Variants in CCDC175 observed in about 807,000 individuals in gnomAD.
CCDC175 encodes coiled-coil domain-containing protein 175.
In CCDC175, 100 loss-of-function variants were observed where a neutral mutation model predicts 114.6. The observed-to-expected ratio is 0.87, with a 90% confidence interval of 0.74 to 1.03. CCDC175 has a LOEUF of 1.03. CCDC175 is among the 50% of genes least tolerant of loss of function. CCDC175 has a pLI of 0.00. For synonymous variants in CCDC175, 306 were observed against 308.7 expected, an observed-to-expected ratio of 0.99 and a Z score of 0.09; for missense variants, 880 against 917.8, an observed-to-expected ratio of 0.96 and a Z score of 0.53.
chr14:59,521,459 T>A lies in CCDC175; in HGVS notation c.2098+115A>T, dbSNP rs964689314. On this transcript the variant is annotated intron_variant, in intron 17 of 19. Coordinates refer to ENST00000537690, the MANE Select transcript of CCDC175 (RefSeq NM_001164399.2). ...GAAGACCTATCATGGGACTTTACCT[T>A]GTGATCATGTGAGTCAGTTCTCCTT... 32 of 608,550 alleles carry A rather than the reference T, an allele frequency of 5.3e-5. No individual in the cohort carries two copies. In the African/African-American group the frequency reaches 5.8e-4, roughly 11 times the overall value. The allele number at this position is 608,550 out of a possible 1,614,324, so 37.7% of individuals were successfully genotyped here.
intron 11 of CCDC175, among the ~76,000 whole-genome samples, chr14:59,539,978 T>C (rs952631924): frequency 3.3e-5 from 5 of 151,114 alleles, no homozygotes; most frequent in Admixed American, 6.6e-5. Flanking sequence ...GGCTGAGGCA[T>C]GAGAATCGCT....
chr14:59,523,944 G>T (rs540963746), intron 16 of CCDC175, among the ~76,000 whole-genome samples: 122 of 151,924 alleles, frequency 8.0e-4, no homozygotes, highest in Non-Finnish European at 1.2e-3. Context: ...AGCCGAGATC[G>T]TGCCACTGCA....
intron 6 of CCDC175, among the ~76,000 whole-genome samples, chr14:59,561,501 C>T (rs954052214): frequency 5.3e-5 from 8 of 152,040 alleles, no homozygotes; most frequent in Admixed American, 3.9e-4. Context: ...ACTTTTGAGA[C>T]AAGAATTAAC....
chr14:59,574,276 T>G (rs1013072392), intron 2 of CCDC175, among the ~76,000 whole-genome samples: 2 of 152,244 alleles, frequency 1.3e-5, no homozygotes, highest in African/African-American at 4.8e-5. Flanking sequence ...TAGTAAATTC[T>G]TATCCAATAT....
chr14:59,539,137 G>A (rs1293992822), intron 11 of CCDC175, among the ~76,000 whole-genome samples: 1 of 152,166 alleles, frequency 6.6e-6, no homozygotes, highest in Non-Finnish European at 1.5e-5. Context: ...GGAAGGCTTG[G>A]GGCAAGTGGA....
intron 14 of CCDC175, among the ~76,000 whole-genome samples, chr14:59,531,501 T>C (rs113172694): frequency 0.041 from 6,271 of 152,226 alleles, 166 homozygotes; most frequent in Non-Finnish European, 0.06. Context: ...TTCCCAAGTA[T>C]GGAGAGAAAG....
intron 8 of CCDC175, among the ~76,000 whole-genome samples, chr14:59,550,643 G>A (rs1407948451): frequency 6.6e-6 from 1 of 152,134 alleles, no homozygotes; most frequent in African/African-American, 2.4e-5. Context: ...AAGCTGAGGA[G>A]CCAGGAAGCC....
rs1034246947 is a variant in CCDC175, at chr14:59,563,806, C to G, written c.774G>C (p.Lys258Asn). Residue 258 changes from lysine (K) to asparagine (N), a missense_variant, in exon 6 of 20, where the codon AAG becomes AAC. Transcript: ENST00000537690. ...TTTGTAATTTATCCAATTCTTTCTT[C>G]TTTTGATAAGTCTCCATTCTCTTTA... ...REVKRMETYQ[K>N]KKELDKLQTK... The G allele has an allele frequency of 7.0e-7, 1 of 1,437,630 alleles. No individual in the cohort carries two copies. Among genetic ancestry groups the G allele is most frequent in the Admixed American group, 2.7e-5 (1 of 37,378 alleles). The allele number at this position is 1,437,630 out of a possible 1,614,324, so 89.1% of individuals were successfully genotyped here.
intron 11 of CCDC175, among the ~76,000 whole-genome samples, chr14:59,540,414 G>T (rs985181129): frequency 1.4e-5 from 2 of 141,190 alleles, no homozygotes; most frequent in African/African-American, 2.5e-5. Context: ...TGAGCAAAAG[G>T]CATTGCACAA....
At chr14:59,508,233 CTT>C (rs965988389) in intron 19 of CCDC175, among the ~76,000 whole-genome samples, 6 of 152,138 alleles carry the variant, frequency 3.9e-5, no homozygotes, top group East Asian at 1.9e-4. Flanking sequence ...AATATACTCT[CTT>C]GTCTTTGTCT....
chr14:59,520,710 T>G (rs1893380651), intron 17 of CCDC175, among the ~76,000 whole-genome samples: 1 of 152,184 alleles, frequency 6.6e-6, no homozygotes, highest in African/African-American at 2.4e-5. Flanking sequence ...ACAACTTAGA[T>G]GAATCTTAAA....
At chr14:59,539,901 A>AAAAC (rs895308630) in intron 11 of CCDC175, among the ~76,000 whole-genome samples, 6 of 151,982 alleles carry the variant, frequency 3.9e-5, no homozygotes, top group Non-Finnish European at 7.4e-5. Flanking sequence ...GTCCGTCTCA[A>AAAAC]AAACAAACAA....
In CCDC175 at chr14:59,505,291, C is replaced by G. The variant is rs372589645; in HGVS notation, c.2330G>C (p.Arg777Thr). The G allele has an allele frequency of 2.0e-6, 3 of 1,503,774 alleles. No individual in the cohort carries two copies. The highest frequency in any genetic ancestry group is 2.7e-6 in the Non-Finnish European group (3 of 1,124,666). 93.2% of individuals were successfully genotyped at this position (1,503,774 alleles called of 1,614,324 possible). Reference sequence around the variant, plus strand: ...ACATTTAACCACTGGGAAATGAACCCTTGTACGAATGTGTTTCTTCTTCTC... The same window carrying G: ...ACATTTAACCACTGGGAAATGAACCGTTGTACGAATGTGTTTCTTCTTCTC... ...LLKKKKHIRT[R>T]VHFPVVKCTE... is the part of the protein sequence containing the mutation. The change falls in exon 20 of 20, where the codon AGG becomes ACG. Residue 777 changes from arginine (R) to threonine (T), a missense_variant. Arg to Thr is a moderately conservative substitution (Grantham distance 71). Coordinates refer to ENST00000537690, the MANE Select transcript of CCDC175 (RefSeq NM_001164399.2).
chr14:59,537,991 A>G (rs778079404), intron 13 of CCDC175, 32 bp downstream of exon 13: 4 of 1,467,936 alleles, frequency 2.7e-6, no homozygotes, highest in South Asian at 1.2e-5. Flanking sequence ...GTAGTCATCC[A>G]AAAGTATTCT....
chr14:59,511,991 T>C (rs1892783202), intron 17 of CCDC175, among the ~76,000 whole-genome samples, 188 bp from the exon 18 acceptor site: 1 of 151,978 alleles, frequency 6.6e-6, no homozygotes, highest in Non-Finnish European at 1.5e-5. Flanking sequence ...AAGCAAAACA[T>C]ATGAAAGAAA....
intron 7 of CCDC175, among the ~76,000 whole-genome samples, chr14:59,556,552 C>T (rs960445689): frequency 1.2e-4 from 18 of 152,138 alleles, no homozygotes; most frequent in African/African-American, 4.1e-4. Flanking sequence ...TAGGCATGGG[C>T]AAGGACTTCA....
At chr14:59,540,268 A>C (rs11158259) in intron 11 of CCDC175, among the ~76,000 whole-genome samples, 68,004 of 151,896 alleles carry the variant, frequency 0.45, 17,395 homozygotes, top group East Asian at 0.81. Context: ...GAAGTGATTA[A>C]ATAACTTAGC....
chr14:59,529,224 G>C (rs1893926164), intron 14 of CCDC175, among the ~76,000 whole-genome samples: 1 of 152,200 alleles, frequency 6.6e-6, no homozygotes, highest in African/African-American at 2.4e-5. Flanking sequence ...TTATGGAAGA[G>C]TTCACAACAC....
intron 19 of CCDC175, 89 bp downstream of exon 19, chr14:59,510,557 T>G: frequency 7.7e-7 from 1 of 1,302,680 alleles, no homozygotes; most frequent in Non-Finnish European, 1.1e-6. Context: ...GTCACTTAGT[T>G]GACACGTTTT....
Sources: gnomAD v4.1 joint callset for allele counts (sites outside exome capture counted in the v4.1 genomes callset) on GRCh38, gnomAD v4.1.1 for gene constraint, MANE v1.5 for transcripts, NCBI Gene and HGNC (gene_info 2026-07-23, HGNC 2026-07-21) for gene names.